The following CNTN5 variants were observed in gnomAD, a reference collection of about 807,000 sequenced individuals.
CNTN5 encodes contactin 5.
CNTN5 carries 77 observed loss-of-function variants against 129.1 expected under a neutral mutation model. The observed-to-expected ratio is 0.60, with a 90% CI of 0.50 to 0.72. The LOEUF is 0.72. Ranked by LOEUF, CNTN5 falls within the 30% of genes least tolerant of loss-of-function variation. The pLI, the probability that CNTN5 is intolerant of heterozygous loss-of-function variation, is 0.00. For synonymous variants in CNTN5, 509 were observed against 465.6 expected, an observed-to-expected ratio of 1.09 and a Z score of -1.20; for missense variants, 1,478 against 1,328.8, an observed-to-expected ratio of 1.11 and a Z score of -1.75.
At position 99,249,372 on chromosome 11, in the gene CNTN5, G is replaced by C. The variant is rs548241683; in HGVS notation, c.-209-75974G>C. 2.6e-5 allele frequency among the ~76,000 whole-genome samples: 4 copies of C among 152,086 alleles called. No individual in the cohort carries two copies. The South Asian group carries it at 8.3e-4, about 32-fold the overall frequency. On this transcript the variant is annotated intron_variant, in intron 1 of 24. Transcript: ENST00000524871. ...CAGCTTAAGGAGATTTTGAAGCCCT[G>C]CTACATTTCAATGACCTAAAAACTG... is the stretch of plus-strand genomic sequence containing the variant.
chr11:99,085,117 T>C (rs556729931), intron 1 of CNTN5, among the ~76,000 whole-genome samples: 2 of 152,096 alleles, frequency 1.3e-5, no homozygotes, highest in Non-Finnish European at 2.9e-5. Context: ...TAATCTCTGC[T>C]CACTGCAACC....
intron 7 of CNTN5, among the ~76,000 whole-genome samples, chr11:99,948,803 C>T (rs1432829427): frequency 2.0e-5 from 3 of 152,230 alleles, no homozygotes; most frequent in Admixed American, 6.5e-5. Flanking sequence ...TCCAGACCTT[C>T]ACCCGATGCG....
At chr11:100,152,498 G>A (rs1170102294) in intron 13 of CNTN5, among the ~76,000 whole-genome samples, 3 of 152,090 alleles carry the variant, frequency 2.0e-5, no homozygotes, top group African/African-American at 4.8e-5. Context: ...ATGTCAATAT[G>A]TGCCTGAAGA....
intron 2 of CNTN5, among the ~76,000 whole-genome samples, chr11:99,534,135 G>A (rs901366256): frequency 6.6e-6 from 1 of 152,176 alleles, no homozygotes; most frequent in Non-Finnish European, 1.5e-5. Flanking sequence ...TAACCAGAAG[G>A]ATTAAGTTGA....
At position 99,022,855 on chromosome 11, in the gene CNTN5, C is replaced by G. The variant is rs540739117; in HGVS notation, c.-210+1585C>G. On this transcript the variant is annotated intron_variant, in intron 1 of 24. Transcript: ENST00000524871. Reference sequence around the variant, plus strand: ...GTTTTTGCTTAGGAATTGGTGTATCCTTTAAATTATTTAAAACTTCTGAAA... The same window carrying G: ...GTTTTTGCTTAGGAATTGGTGTATCGTTTAAATTATTTAAAACTTCTGAAA... 8.9e-4 allele frequency among the ~76,000 whole-genome samples: 135 copies of G among 152,154 alleles called. 1 individual carries two copies. The highest frequency in any genetic ancestry group is 3.1e-3 in the African/African-American group (128 of 41,514).
intron 1 of CNTN5, among the ~76,000 whole-genome samples, chr11:99,055,385 A>G (rs559113355): frequency 2.6e-5 from 4 of 152,184 alleles, no homozygotes; most frequent in Non-Finnish European, 5.9e-5. Flanking sequence ...AACAAGAAAG[A>G]GATTTCTCTA....
rs1017812757 is a variant in CNTN5, at chr11:99,676,656, G to T, written c.55+120387G>T. Among the ~76,000 whole-genome samples the T allele has an allele frequency of 7.9e-5, 12 of 151,978 alleles. No homozygotes were observed. In the East Asian group the frequency reaches 1.5e-3, roughly 20 times the overall value. ...TAATTTGGTAGTCGTTAAGAAAAAA[G>T]AACTTAAGAAAAACATATGTAACAA... On this transcript the variant is annotated intron_variant, in intron 3 of 24. Transcript: ENST00000524871.
intron 13 of CNTN5, among the ~76,000 whole-genome samples, chr11:100,135,766 T>C (rs1946502662): frequency 6.6e-6 from 1 of 152,126 alleles, no homozygotes; most frequent in Non-Finnish European, 1.5e-5. Context: ...AATATGGCTA[T>C]GGTCACACCT....
chr11:99,432,093 T>G, intron 2 of CNTN5, among the ~76,000 whole-genome samples: 1 of 152,294 alleles, frequency 6.6e-6, no homozygotes, highest in Non-Finnish European at 1.5e-5. Flanking sequence ...ACTATTTGCT[T>G]AGGAATAAAA....
intron 2 of CNTN5, among the ~76,000 whole-genome samples, chr11:99,421,895 AAACAACTT>A: frequency 6.6e-6 from 1 of 152,334 alleles, no homozygotes; most frequent in East Asian, 1.9e-4. Context: ...AATAAATCAA[AAACAACTT>A]ATCATAGATT....
intron 1 of CNTN5, among the ~76,000 whole-genome samples, chr11:99,106,322 A>G (rs571675450): frequency 1.3e-5 from 2 of 152,250 alleles, no homozygotes; most frequent in South Asian, 2.1e-4. Flanking sequence ...AGTGTAATAT[A>G]CTCAAACATA....
intron 1 of CNTN5, among the ~76,000 whole-genome samples, chr11:99,163,872 T>C (rs774549113): frequency 6.6e-6 from 1 of 152,226 alleles, no homozygotes; most frequent in Non-Finnish European, 1.5e-5. Context: ...TGTTATGACA[T>C]CTCTTATTTG....
In CNTN5 at chr11:99,349,361, T is replaced by C. The variant is rs536744488; in HGVS notation, c.-71+23877T>C. ...AATATCTGGCAGAGATATAGATAGA[T>C]TGGCCACTCTTCTCCCCACTACCCT... On this transcript the variant is annotated intron_variant, in intron 2 of 24. Transcript: ENST00000524871. 8.5e-5 allele frequency among the ~76,000 whole-genome samples: 13 copies of C among 152,300 alleles called. No individual in the cohort carries two copies. In the East Asian group the frequency reaches 2.3e-3, roughly 27 times the overall value.
intron 21 of CNTN5, chr11:100,308,721 A>C: frequency 9.3e-7 from 1 of 1,078,592 alleles, no homozygotes; most frequent in South Asian, 4.2e-5. Flanking sequence ...TTTTAGACAA[A>C]AGCAGGAGCT....
chr11:99,241,838 A>G (rs1861575725), intron 1 of CNTN5, among the ~76,000 whole-genome samples: 1 of 152,158 alleles, frequency 6.6e-6, no homozygotes, highest in African/African-American at 2.4e-5. Flanking sequence ...TGTTTTCAAG[A>G]TACTGCAGTT....
chr11:99,584,971 AAAAACT>A (rs1949743409), intron 3 of CNTN5, among the ~76,000 whole-genome samples: 1 of 76,482 alleles, frequency 1.3e-5, no homozygotes, highest in Non-Finnish European at 4.3e-5. Flanking sequence ...GCTTTTGTGT[AAAAACT>A]AAAATTTTTG....
At chr11:99,989,567 C>T (rs1461054898) in intron 8 of CNTN5, among the ~76,000 whole-genome samples, 1 of 151,858 alleles carries the variant, frequency 6.6e-6, no homozygotes, top group African/African-American at 2.4e-5. Flanking sequence ...TAAAAAACCA[C>T]CCAAAAGCAT....
chr11:99,837,666 G>A (rs1221438495), intron 4 of CNTN5, among the ~76,000 whole-genome samples: 2 of 136,332 alleles, frequency 1.5e-5, no homozygotes, highest in African/African-American at 5.5e-5. Context: ...CATCTAGCCA[G>A]TACTTGCCAC....
At chr11:99,770,986 C>A (rs1189600183) in intron 3 of CNTN5, among the ~76,000 whole-genome samples, 2 of 151,944 alleles carry the variant, frequency 1.3e-5, no homozygotes, top group East Asian at 3.9e-4. Flanking sequence ...CAGAGGTAAA[C>A]TCATACATTT....
Sources: gnomAD v4.1 joint callset for allele counts (sites outside exome capture counted in the v4.1 genomes callset) on GRCh38, gnomAD v4.1.1 for gene constraint, MANE v1.5 for transcripts, NCBI Gene and HGNC (gene_info 2026-07-23, HGNC 2026-07-21) for gene names.